Variants in TVP23C observed in about 807,000 individuals in gnomAD.
TVP23C encodes trans-golgi network vesicle protein 23 homolog C.
In TVP23C, 19 loss-of-function variants were observed where a neutral mutation model predicts 28.7. The ratio of observed to expected loss-of-function variants is 0.66; its 90% CI spans 0.46 to 0.97. TVP23C has a LOEUF of 0.97. Among genes scored for constraint, TVP23C ranks in the 50% least tolerant of loss-of-function variants. The pLI is 0.00. For synonymous variants in TVP23C, 68 were observed against 81.7 expected (o/e 0.83, Z 0.90); for missense variants, 186 against 241.3 (o/e 0.77, Z 1.52).
intron 5 of TVP23C, among the ~76,000 whole-genome samples, chr17:15,519,463 C>A (rs1458598681): frequency 7.3e-6 from 1 of 137,792 alleles, no homozygotes; most frequent in Non-Finnish European, 1.6e-5. Context: ...CAGAGTAAGA[C>A]CCCATCTCAA....
At chr17:15,555,653 T>C (rs1207610557) in intron 1 of TVP23C, among the ~76,000 whole-genome samples, 3 of 152,102 alleles carry the variant, frequency 2.0e-5, no homozygotes, top group Non-Finnish European at 2.9e-5. Flanking sequence ...ACTTAACACC[T>C]GTCCTCCTCA....
chr17:15,513,455 G>C (rs993418580), intron 5 of TVP23C, among the ~76,000 whole-genome samples: 2 of 152,172 alleles, frequency 1.3e-5, no homozygotes, highest in Admixed American at 6.5e-5. Context: ...GATAAGTATA[G>C]AGGAAGCTCC....
intron 5 of TVP23C, among the ~76,000 whole-genome samples, chr17:15,528,359 T>C (rs1452572803): frequency 6.6e-6 from 1 of 151,736 alleles, no homozygotes; most frequent in African/African-American, 2.4e-5. Flanking sequence ...TTTGACCCAC[T>C]GGTTATTTAG....
intron 5 of TVP23C, among the ~76,000 whole-genome samples, chr17:15,511,784 C>G (rs1336982949): frequency 1.3e-5 from 2 of 152,132 alleles, no homozygotes; most frequent in African/African-American, 4.8e-5. Context: ...TGGAAAAATA[C>G]TGGATACTTT....
intron 5 of TVP23C, among the ~76,000 whole-genome samples, chr17:15,516,024 G>C (rs547276655): frequency 6.6e-6 from 1 of 152,140 alleles, no homozygotes; most frequent in Non-Finnish European, 1.5e-5. Flanking sequence ...CAGGTAAGAC[G>C]CGTGCTCCCC....
At chr17:15,535,159 C>T (rs1340793631), downstream of TVP23C, among the ~76,000 whole-genome samples, 3 of 151,452 alleles carry the variant, frequency 2.0e-5, no homozygotes, top group Non-Finnish European at 4.4e-5. Context: ...ATCTCCCATC[C>T]CACATACTTC....
At chr17:15,510,419 G>GAGA (rs202213021) in intron 5 of TVP23C, among the ~76,000 whole-genome samples, 1,713 of 152,270 alleles carry the variant, frequency 0.011, 35 homozygotes, top group African/African-American at 0.039. Context: ...AGAGATGCAA[G>GAGA]TCAAAACCTA....
At chr17:15,502,896 G>T (rs1419868725) in exon 6 of TVP23C, 1 of 1,593,576 alleles carries the variant, frequency 6.3e-7, no homozygotes, top group Non-Finnish European at 8.6e-7. Flanking sequence ...TGAAATTTTG[G>T]CCCGGGCTCA....
At chr17:15,529,512 T>C (rs1982867620) in intron 5 of TVP23C, among the ~76,000 whole-genome samples, 2 of 152,204 alleles carry the variant, frequency 1.3e-5, no homozygotes, top group Non-Finnish European at 1.5e-5. Flanking sequence ...TGTCAGCTTT[T>C]GTTTCATGTT....
At chr17:15,555,784 T>C (rs1175635905) in intron 1 of TVP23C, among the ~76,000 whole-genome samples, 1 of 152,066 alleles carries the variant, frequency 6.6e-6, no homozygotes, top group East Asian at 1.9e-4. Flanking sequence ...TCACAACTCC[T>C]CCTCTTCTTA....
chr17:15,533,186 T>A (rs1404321099), downstream of TVP23C, among the ~76,000 whole-genome samples: 5 of 152,238 alleles, frequency 3.3e-5, no homozygotes, highest in Non-Finnish European at 1.5e-5. Flanking sequence ...AAATCATCTA[T>A]CATGATTAAA....
At position 15,538,172 on chromosome 17, in the gene TVP23C, G is replaced by A. The variant is rs16940991; in HGVS notation, c.*2240C>T. ...CAGTGTTCCGCAAAAGACAAAAAAA[G>A]AACTCCTTAACATCAAAGTTATTTC... On this transcript the variant is annotated 3_prime_UTR_variant, in exon 6 of 6. Transcript: ENST00000518321. The A allele has an allele frequency of 0.22, 346,232 of 1,606,676 alleles. 38,617 individuals carry two copies. Among genetic ancestry groups the A allele is most frequent in the African/African-American group, 0.38 (27,301 of 71,100 alleles).
intron 5 of TVP23C, 70 bp from the exon 6 acceptor site, chr17:15,540,631 G>C: frequency 7.9e-7 from 1 of 1,265,948 alleles, no homozygotes; most frequent in South Asian, 1.4e-5. Context: ...CCATAAATGA[G>C]ACAAGGCAGA....
At chr17:15,513,668 G>A (rs980942536) in intron 5 of TVP23C, among the ~76,000 whole-genome samples, 1 of 152,176 alleles carries the variant, frequency 6.6e-6, no homozygotes, top group Non-Finnish European at 1.5e-5. Context: ...TTTCAACCAG[G>A]AGGTTAGTAT....
At chr17:15,508,675 G>A (rs527866521) in intron 5 of TVP23C, among the ~76,000 whole-genome samples, 22 of 152,204 alleles carry the variant, frequency 1.4e-4, no homozygotes, top group Non-Finnish European at 3.1e-4. Context: ...GTACTGCTCT[G>A]GGACCAGGAA....
chr17:15,554,425 G>A (rs1984039229), intron 2 of TVP23C, among the ~76,000 whole-genome samples: 1 of 151,894 alleles, frequency 6.6e-6, no homozygotes, highest in Admixed American at 6.6e-5. Context: ...TTTTAGTAGA[G>A]ATGGGGTTTC....
chr17:15,502,790 TCTC>T (rs1981518680), exon 6 of TVP23C: 1 of 1,470,418 alleles, frequency 6.8e-7, no homozygotes, highest in Non-Finnish European at 9.0e-7. Context: ...TCCCTCCCTC[TCTC>T]CTCTCTCCTC....
intron 5 of TVP23C, among the ~76,000 whole-genome samples, chr17:15,521,626 A>T (rs1982484465): frequency 6.6e-6 from 1 of 152,268 alleles, no homozygotes; most frequent in Non-Finnish European, 1.5e-5. Context: ...TATATAGAGA[A>T]ACTTAGTTTA....
In TVP23C at chr17:15,537,436, T is replaced by C; in HGVS notation, c.*2976A>G. On this transcript the variant is annotated 3_prime_UTR_variant, in exon 6 of 6. Coordinates refer to ENST00000518321, the MANE Select transcript of TVP23C (RefSeq NM_001135036.2). ...GAACTTTCAATCTAGCTATCCTTTC[T>C]GTAAAATAAATAGAATAGCAGCAAT... The C allele has an allele frequency of 4.1e-6, 4 of 985,288 alleles. No homozygotes were observed. In the South Asian group the frequency reaches 1.4e-4, roughly 35 times the overall value. 61.0% of individuals were successfully genotyped at this position (985,288 alleles called of 1,614,324 possible).
Sources: allele counts gnomAD v4.1 joint callset (sites outside exome capture counted in the v4.1 genomes callset), GRCh38; gene constraint gnomAD v4.1.1; transcripts MANE v1.5; gene names NCBI Gene and HGNC (gene_info 2026-07-23, HGNC 2026-07-21).